The following RBM26 variants were observed in gnomAD, a reference collection of about 807,000 sequenced individuals.
RBM26 encodes RNA-binding protein 26.
In RBM26, 30 loss-of-function variants were observed where a neutral mutation model predicts 123.6. The observed-to-expected ratio is 0.24, with a 90% confidence interval of 0.18 to 0.33. The LOEUF (loss-of-function observed/expected upper bound fraction) is 0.33, where lower values mean the gene tolerates loss of function less well. RBM26 is among the 10% of genes least tolerant of loss of function. The pLI is 1.00. For missense variants in RBM26, 947 were observed against 1,203.6 expected, an observed-to-expected ratio of 0.79 and a Z score of 3.15; for synonymous variants, 400 against 404.4, an observed-to-expected ratio of 0.99 and a Z score of 0.13.
At position 79,366,944 on chromosome 13, in the gene RBM26, A is replaced by G. The variant is rs975191899; in HGVS notation, c.896-72T>C. The G allele has an allele frequency of 4.1e-5, 53 of 1,284,806 alleles. No homozygotes were observed. In the Admixed American group the frequency reaches 1.3e-3, roughly 31 times the overall value. 79.6% of individuals were successfully genotyped at this position (1,284,806 alleles called of 1,614,324 possible). On this transcript the variant is annotated intron_variant, in intron 6 of 21. Coordinates refer to ENST00000438737, the MANE Select transcript of RBM26 (RefSeq NM_001366735.2). ...TATATATTTTCTCTAAGTTAGCAAAAGTAAAATATTTAAAAATATGAATAT... is the reference window on the plus strand; with the variant it reads ...TATATATTTTCTCTAAGTTAGCAAAGGTAAAATATTTAAAAATATGAATAT...
chr13:79,349,903 G>A (rs190840635), intron 14 of RBM26, among the ~76,000 whole-genome samples: 15 of 152,166 alleles, frequency 9.9e-5, no homozygotes, highest in Non-Finnish European at 5.9e-5. Context: ...TCACTGTATT[G>A]GCCAGGCTGG....
At position 79,358,205 on chromosome 13, in the gene RBM26, T is replaced by C. The variant is rs139739273; in HGVS notation, c.1689+69A>G. On this transcript the variant is annotated intron_variant, in intron 11 of 21. Transcript: ENST00000438737. ...GCCTTAAAATATTTATTTATAAAGGTAGTTTTCTTATTACATTAAGTTCCC... is the reference window on the plus strand; with the variant it reads ...GCCTTAAAATATTTATTTATAAAGGCAGTTTTCTTATTACATTAAGTTCCC... The C allele has an allele frequency of 4.5e-4, 568 of 1,258,816 alleles. 2 individuals are homozygous for C. The African/African-American group carries it at 8.3e-3, about 18-fold the overall frequency. The allele number at this position is 1,258,816 out of a possible 1,614,324, so 78.0% of individuals were successfully genotyped here. A position where few individuals can be genotyped will look rare whatever the true frequency, so the allele number is the denominator to read the frequency against.
rs555445634 is a variant in RBM26, at chr13:79,326,552, T to C, written c.2821-4090A>G. On this transcript the variant is annotated intron_variant, in intron 20 of 21. Coordinates refer to ENST00000438737, the MANE Select transcript of RBM26 (RefSeq NM_001366735.2). ...ATAATCTAGATTAAAAAGATAATTTTTGAAAAAACTACCAAAGTACCAAAC... is the reference window on the plus strand; with the variant it reads ...ATAATCTAGATTAAAAAGATAATTTCTGAAAAAACTACCAAAGTACCAAAC... Among the ~76,000 whole-genome samples the C allele has an allele frequency of 1.2e-4, 18 of 152,220 alleles. No individual in the cohort carries two copies. The South Asian group carries it at 1.5e-3, about 12-fold the overall frequency.
At chr13:79,344,459 A>T in intron 15 of RBM26, 137 bp from the exon 16 acceptor site, 1 of 836,638 alleles carries the variant, frequency 1.2e-6, no homozygotes, top group Non-Finnish European at 1.9e-6. Context: ...AAAACTTAAA[A>T]TATGTATGCA....
intron 9 of RBM26, among the ~76,000 whole-genome samples, chr13:79,364,345 A>G (rs1421729198): frequency 1.3e-5 from 2 of 152,202 alleles, no homozygotes; most frequent in African/African-American, 4.8e-5. Flanking sequence ...GAAAAAACAC[A>G]AAGTATATGT....
chr13:79,378,696 T>G, intron 2 of RBM26, 93 bp downstream of exon 2: 2 of 690,050 alleles, frequency 2.9e-6, no homozygotes, highest in African/African-American at 3.7e-5. Flanking sequence ...CACCTCAGCC[T>G]CCCAAAGTGC....
intron 2 of RBM26, among the ~76,000 whole-genome samples, chr13:79,377,796 T>C (rs1348497165): frequency 6.6e-6 from 1 of 151,886 alleles, no homozygotes; most frequent in Non-Finnish European, 1.5e-5. Context: ...TAATTCCAGA[T>C]ACTAGGGAGG....
At chr13:79,315,034 G>A, downstream of RBM26, 1 of 1,195,404 alleles carries the variant, frequency 8.4e-7, no homozygotes. Flanking sequence ...TTTGAAAATA[G>A]CAAATAAATC....
chr13:79,315,548 G>C, downstream of RBM26, among the ~76,000 whole-genome samples: 1 of 151,718 alleles, frequency 6.6e-6, no homozygotes, highest in East Asian at 1.9e-4. Flanking sequence ...GACAGTGCCT[G>C]GTATACAAGG....
rs756909217 is a variant in RBM26, at chr13:79,341,223, T to C, written c.2432A>G (p.Gln811Arg). ...PKSIKTKTQM[Q>R]KELLDTELDL... ...CAGTTCTGTGTCAAGTAATTCCTTC[T>C]GCATCTAAAAAATAGTAATTAATAT... The change falls in exon 18 of 22, where the codon CAG (glutamine) becomes CGG (arginine). Residue 811 changes from glutamine (Q) to arginine (R), a missense_variant. Gln to Arg is a conservative substitution (Grantham distance 43). Coordinates refer to ENST00000438737, the MANE Select transcript of RBM26 (RefSeq NM_001366735.2). 2.5e-6 allele frequency: 4 copies of C among 1,595,602 alleles called. No individual in the cohort carries two copies. Among genetic ancestry groups the C allele is most frequent in the Admixed American group, 1.7e-5 (1 of 59,388 alleles).
intron 9 of RBM26, among the ~76,000 whole-genome samples, chr13:79,361,631 T>C (rs1041223697): frequency 6.6e-6 from 1 of 152,200 alleles, no homozygotes; most frequent in African/African-American, 2.4e-5. Context: ...TTTGCGGCTG[T>C]TGATCATCTT....
In RBM26 at chr13:79,322,445, A is replaced by G; in HGVS notation, c.2838T>C (p.Ala946=). The change falls in exon 21 of 22, where the codon GCT becomes GCC. Residue 946 remains alanine, a synonymous_variant. Coordinates refer to ENST00000438737, the MANE Select transcript of RBM26 (RefSeq NM_001366735.2). ...AEAEAAAVHG[A]RFKGQDLKLA... ...GTTTTAGATCTTGCCCTTTGAAACG[A>G]GCTCCATGAACTGCAGCCTAAAATG... is the stretch of plus-strand genomic sequence containing the variant. 1 of 1,569,378 alleles carries G rather than the reference A, an allele frequency of 6.4e-7. No individual in the cohort carries two copies. The highest frequency in any genetic ancestry group is 8.6e-7 in the Non-Finnish European group (1 of 1,163,186).
chr13:79,393,310 C>T (rs2078263156), intron 1 of RBM26, among the ~76,000 whole-genome samples: 1 of 152,166 alleles, frequency 6.6e-6, no homozygotes, highest in Non-Finnish European at 1.5e-5. Context: ...AAACCTGGAA[C>T]CAGGGGCATC....
chr13:79,339,701 G>A (rs1398864573), intron 18 of RBM26, among the ~76,000 whole-genome samples: 1 of 152,068 alleles, frequency 6.6e-6, no homozygotes, highest in African/African-American at 2.4e-5. Flanking sequence ...GAGTAACACT[G>A]AATACTTAAT....
In RBM26 at chr13:79,344,679, T is replaced by C; in HGVS notation, c.2174A>G (p.Lys725Arg). Residue 725 changes from lysine to arginine, a missense_variant, in exon 15 of 22, where the codon AAA becomes AGA. Physicochemically the swap from Lys to Arg is conservative, Grantham distance 26. Around this residue, in one of 5 missense-constraint regions of RBM26, gnomAD observed 493 missense variants for 563.1 expected, o/e 0.88. Transcript: ENST00000438737. ...ACCAGTTGTACTTACCTGTTTTTTT[T>C]TCTGTGCTTCATTATTATCAACTGC... ...TSAVDNNEAQ[K>R]KKQEALKLQQ... 6.2e-7 allele frequency: 1 copy of C among 1,611,464 alleles called. No individual in the cohort carries two copies. The highest frequency in any genetic ancestry group is 8.5e-7 in the Non-Finnish European group (1 of 1,178,994).
chr13:79,381,933 TCACATTTAA>T (rs1188558975), intron 1 of RBM26, among the ~76,000 whole-genome samples: 1 of 152,094 alleles, frequency 6.6e-6, no homozygotes, highest in African/African-American at 2.4e-5. Context: ...GGTTATAATT[TCACATTTAA>T]TGGCAAAACA....
chr13:79,368,760 T>A lies in RBM26; in HGVS notation c.865A>T (p.Met289Leu). The change falls in exon 6 of 22, where the codon ATG becomes TTG. Residue 289 changes from methionine to leucine, a missense_variant. By Grantham distance (15) the Met-to-Leu change is conservative. Transcript: ENST00000438737. ...TAGTCTCTACACCGTTTCTTTGGCA[T>A]GGGTGGTCTTACGTAAGAGTTATGG... ...VDHNSYVRPP[M>L]PKKRCRDYDE... 1 of 1,613,986 alleles carries A rather than the reference T, an allele frequency of 6.2e-7. No homozygotes were observed. Among genetic ancestry groups the A allele is most frequent in the Non-Finnish European group, 8.5e-7 (1 of 1,179,894 alleles).
chr13:79,386,590 T>TCAAAAAAAA (rs1566561287), intron 1 of RBM26, among the ~76,000 whole-genome samples: 5 of 22,114 alleles, frequency 2.3e-4, no homozygotes, highest in Admixed American at 1.7e-3. Flanking sequence ...AACTCTCTCT[T>TCAAAAAAAA]TAAAAAAAAA....
intron 1 of RBM26, among the ~76,000 whole-genome samples, chr13:79,393,328 T>G (rs1201892041): frequency 6.6e-6 from 1 of 152,232 alleles, no homozygotes; most frequent in Non-Finnish European, 1.5e-5. Flanking sequence ...ATCTGATCTC[T>G]CAAGCTGCCC....
Sources: gnomAD v4.1 joint callset for allele counts (sites outside exome capture counted in the v4.1 genomes callset) on GRCh38, gnomAD v4.1.1 for gene constraint, gnomAD v4.1.1 regional missense constraint, MANE v1.5 for transcripts, NCBI Gene and HGNC (gene_info 2026-07-23, HGNC 2026-07-21) for gene names.